Variants in RPAP1 observed in about 807,000 individuals in gnomAD.
The protein encoded by RPAP1 is RNA polymerase II associated protein 1, also known as RNA polymerase II-associated protein 1.
A neutral mutation model predicts 142.4 loss-of-function variants in RPAP1; 109 were observed. That is an observed-to-expected ratio of 0.77 (90% CI 0.66 to 0.90). RPAP1 has a LOEUF of 0.90. RPAP1 is among the 40% of genes least tolerant of loss of function. RPAP1 has a pLI of 0.00. For missense variants in RPAP1, 1,546 were observed against 1,751.7 expected (o/e 0.88, Z 2.10); for synonymous variants, 704 against 738.9 (o/e 0.95, Z 0.77).
At chr15:41,536,468 C>T in intron 3 of RPAP1, 33 bp downstream of exon 3, 1 of 1,610,778 alleles carries the variant, frequency 6.2e-7, no homozygotes, top group Non-Finnish European at 8.5e-7. Flanking sequence ...TGCCCTAGAA[C>T]ATCTTATCCT....
Position 41,529,529 on chromosome 15 carries a change from C to A in RPAP1, c.1099G>T (p.Ala367Ser). ...ARFSLQGELL[A>S]PDVDLPTHLG... Reference sequence around the variant, plus strand: ...TGGGTGGGCAGGTCCACGTCAGGGGCCAGTAGTTCTCCCTGAAGACTGAAT... The same window carrying A: ...TGGGTGGGCAGGTCCACGTCAGGGGACAGTAGTTCTCCCTGAAGACTGAAT... Residue 367 changes from alanine to serine, a missense_variant, in exon 9 of 25, where the codon GCC becomes TCC. Physicochemically the swap from Ala to Ser is moderately conservative, Grantham distance 99 (BLOSUM62 1). Coordinates refer to ENST00000304330, the MANE Select transcript of RPAP1 (RefSeq NM_015540.4). 1.2e-6 allele frequency: 2 copies of A among 1,613,452 alleles called. No homozygotes were observed. Among genetic ancestry groups the A allele is most frequent in the South Asian group, 1.1e-5 (1 of 90,894 alleles).
intron 21 of RPAP1, 137 bp from the exon 22 acceptor site, chr15:41,521,284 T>C (rs2051724120): frequency 1.2e-6 from 1 of 841,356 alleles, no homozygotes; most frequent in African/African-American, 1.7e-5. Context: ...TCCCGCGCAG[T>C]GCTGTGTAGC....
At chr15:41,520,367 G>A (rs1000573540) in intron 22 of RPAP1, 24 bp downstream of exon 22, 7 of 1,612,484 alleles carry the variant, frequency 4.3e-6, no homozygotes, top group Admixed American at 1.7e-5. Context: ...TACCCTTGCA[G>A]GTCCTGCTGG....
At chr15:41,523,015 G>C in intron 18 of RPAP1, 55 bp from the exon 19 acceptor site, 1 of 1,423,214 alleles carries the variant, frequency 7.0e-7, no homozygotes, top group South Asian at 1.5e-5. Flanking sequence ...GTGCCAAGCT[G>C]GAAAGAGCTT....
In RPAP1 at chr15:41,536,192, C is replaced by T. The variant is rs759642285; in HGVS notation, c.357G>A (p.Val119=). Reference sequence around the variant, plus strand: ...CAACACCACTGGGCACAGGCAGATTCACGGCCACTGAACTTGTATCTCGTT... The same window carrying T: ...CAACACCACTGGGCACAGGCAGATTTACGGCCACTGAACTTGTATCTCGTT... The part of the protein sequence containing the change: ...IIERDTSSVA[V]NLPVPSGVAF... Residue 119 remains valine, a synonymous_variant, in exon 4 of 25, where the codon GTG becomes GTA. Transcript: ENST00000304330. 6.8e-6 allele frequency: 11 copies of T among 1,614,036 alleles called. No individual in the cohort carries two copies. The highest frequency in any genetic ancestry group is 1.6e-4 in the Middle Eastern group (1 of 6,084).
intron 1 of RPAP1, among the ~76,000 whole-genome samples, chr15:41,543,397 C>T (rs535759478): frequency 3.2e-4 from 49 of 151,682 alleles, no homozygotes; most frequent in Middle Eastern, 3.4e-3. Context: ...TTTTTTAGTA[C>T]AGACGGGGTT....
intron 6 of RPAP1, among the ~76,000 whole-genome samples, chr15:41,531,497 G>T (rs2051847070): frequency 6.6e-6 from 1 of 151,210 alleles, no homozygotes; most frequent in Non-Finnish European, 1.5e-5. Context: ...CAGTTCCAAT[G>T]TAAGTGGCTG....
At chr15:41,523,562 C>T (rs1249322373) in intron 17 of RPAP1, among the ~76,000 whole-genome samples, 3 of 152,164 alleles carry the variant, frequency 2.0e-5, no homozygotes, top group Non-Finnish European at 2.9e-5. Flanking sequence ...TGAGCTGCTG[C>T]GTGGGCTCTC....
chr15:41,518,778 G>A (rs2051695033), intron 22 of RPAP1, among the ~76,000 whole-genome samples: 1 of 152,128 alleles, frequency 6.6e-6, no homozygotes, highest in Non-Finnish European at 1.5e-5. Flanking sequence ...GGGAGCTAGA[G>A]GTTGCAGTGA....
rs775317637 is a variant in RPAP1 at position 41,531,173 on chromosome 15, G to C, written c.793C>G (p.His265Asp). 6.2e-7 allele frequency: 1 copy of C among 1,612,744 alleles called. No homozygotes were observed. Among genetic ancestry groups the C allele is most frequent in the Non-Finnish European group, 8.5e-7 (1 of 1,179,026 alleles). The change falls in exon 7 of 25, where the codon CAC becomes GAC. Residue 265 changes from histidine to aspartate, a missense_variant. This residue lies in a region of RPAP1 where 1,333 missense variants were observed against 1,486.6 expected (regional missense o/e 0.90). Coordinates refer to ENST00000304330, the MANE Select transcript of RPAP1 (RefSeq NM_015540.4). ...DPSLVAFLRS[H>D]SHTQEQTGET... ...CCTGTTTGCTCTTGCGTGTGGCTGTGAGATCTCAAGAAAGCAACCAAGCTG... is the reference window on the plus strand; with the variant it reads ...CCTGTTTGCTCTTGCGTGTGGCTGTCAGATCTCAAGAAAGCAACCAAGCTG...
chr15:41,528,242 A>G lies in RPAP1; in HGVS notation c.1253T>C (p.Ile418Thr). The G allele has an allele frequency of 6.2e-7, 1 of 1,606,454 alleles. No individual in the cohort carries two copies. The highest frequency in any genetic ancestry group is 1.1e-5 in the South Asian group (1 of 89,440). The change falls in exon 10 of 25, where the codon ATC becomes ACC. Residue 418 changes from isoleucine to threonine, a missense_variant. Physicochemically the swap from Ile to Thr is moderately conservative, Grantham distance 89 (BLOSUM62 -1). This residue lies in a region of RPAP1 where 1,333 missense variants were observed against 1,486.6 expected (regional missense o/e 0.90). Coordinates refer to ENST00000304330, the MANE Select transcript of RPAP1 (RefSeq NM_015540.4). Reference protein sequence around the residue: ...ALALHVLAQVISRAQAGEFGD... With the variant: ...ALALHVLAQVTSRAQAGEFGD... Reference sequence around the variant, plus strand: ...GGCTGGCAATCCACTCACCCTGCTGATGACCTGGGCTAACACATGCAGTGC... The same window carrying G: ...GGCTGGCAATCCACTCACCCTGCTGGTGACCTGGGCTAACACATGCAGTGC...
chr15:41,522,107 G>GGCCAGAGCGAGT lies in RPAP1; in HGVS notation c.2874_2885dup (p.Leu959_Ala962dup). 1 of 1,613,476 alleles carries GGCCAGAGCGAGT rather than the reference G, an allele frequency of 6.2e-7. No individual in the cohort carries two copies. Among genetic ancestry groups the GGCCAGAGCGAGT allele is most frequent in the Non-Finnish European group, 8.5e-7 (1 of 1,179,892 alleles). ...AGACAGGGGGACCTACCGCTTTCTG[G>GGCCAGAGCGAGT]GCCAGAGCGAGTGCCAGGTACTGCA... On this transcript the variant is annotated inframe_insertion, in exon 20 of 25. Coordinates refer to ENST00000304330, the MANE Select transcript of RPAP1 (RefSeq NM_015540.4).
At chr15:41,536,387 G>T in intron 3 of RPAP1, 114 bp downstream of exon 3, 1 of 1,444,242 alleles carries the variant, frequency 6.9e-7, no homozygotes. Context: ...GACCTCAGGG[G>T]TAAAAGTCTA....
chr15:41,529,929 C>T lies in RPAP1; in HGVS notation c.994G>A (p.Val332Ile), dbSNP rs200219473. The T allele has an allele frequency of 1.9e-5, 31 of 1,614,082 alleles. No homozygotes were observed. Among genetic ancestry groups the T allele is most frequent in the Admixed American group, 1.0e-4 (6 of 60,008 alleles). ...GTCCAGTGGAGCTTCTCCAGCTCGA[C>T]AGTGTCCATGTGCAGCCATTCTTTC... ...PQKEWLHMDT[V>I]ELEKLHWTQD... The change falls in exon 8 of 25, where the codon GTC (valine) becomes ATC (isoleucine). Residue 332 changes from valine to isoleucine, a missense_variant. Val to Ile is a conservative substitution (Grantham distance 29). Transcript: ENST00000304330.
chr15:41,536,857 T>C, intron 2 of RPAP1, 88 bp downstream of exon 2: 1 of 1,478,440 alleles, frequency 6.8e-7, no homozygotes, highest in South Asian at 1.3e-5. Context: ...ATAATAATGA[T>C]GTGTCTGAAT....
intron 22 of RPAP1, among the ~76,000 whole-genome samples, chr15:41,519,138 C>T (rs1179496689): frequency 6.6e-6 from 1 of 152,214 alleles, no homozygotes; most frequent in African/African-American, 2.4e-5. Context: ...GCAATCCTCC[C>T]ACCTTGGCCT....
Position 41,529,549 on chromosome 15 carries a change from C to T in RPAP1, c.1079G>A (p.Ser360Asn), listed in dbSNP as rs1314418850. 6.2e-7 allele frequency: 1 copy of T among 1,612,952 alleles called. No individual in the cohort carries two copies. The highest frequency in any genetic ancestry group is 8.5e-7 in the Non-Finnish European group (1 of 1,179,358). The change falls in exon 9 of 25, where the codon AGT (serine) becomes AAT (asparagine). Residue 360 changes from serine (S) to asparagine (N), a missense_variant. This residue lies in a region of RPAP1 where 1,333 missense variants were observed against 1,486.6 expected (regional missense o/e 0.90). Coordinates refer to ENST00000304330, the MANE Select transcript of RPAP1 (RefSeq NM_015540.4). ...QTQERMQARF[S>N]LQGELLAPDV... is the part of the protein sequence containing the mutation. Reference sequence around the variant, plus strand: ...AGGGGCCAGTAGTTCTCCCTGAAGACTGAATCGAGCCTGCATCCTCTAATG... The same window carrying T: ...AGGGGCCAGTAGTTCTCCCTGAAGATTGAATCGAGCCTGCATCCTCTAATG...
At position 41,518,109 on chromosome 15, in the gene RPAP1, G is replaced by T; in HGVS notation, c.3869C>A (p.Thr1290Asn). Residue 1290 changes from threonine to asparagine, a missense_variant, in exon 23 of 25, where the codon ACC becomes AAC. Coordinates refer to ENST00000304330, the MANE Select transcript of RPAP1 (RefSeq NM_015540.4). ...TGGGCGGAGCGCACCAGTAACCAGG[G>T]TCCGGAAGTAGAGCTGAAGGAGGGC... ...NLALLQLYFR[T>N]LVTGALRPRW... The T allele has an allele frequency of 6.2e-7, 1 of 1,605,620 alleles. No homozygotes were observed. The highest frequency in any genetic ancestry group is 8.5e-7 in the Non-Finnish European group (1 of 1,177,726).
At chr15:41,532,924 AG>A (rs2051868081) in intron 6 of RPAP1, among the ~76,000 whole-genome samples, 1 of 135,110 alleles carries the variant, frequency 7.4e-6, no homozygotes, top group Non-Finnish European at 1.5e-5. Flanking sequence ...GGTTGCAGTG[AG>A]CTGAGATCGT....
Sources: gnomAD v4.1 joint callset for allele counts (sites outside exome capture counted in the v4.1 genomes callset) on GRCh38, gnomAD v4.1.1 for gene constraint, gnomAD v4.1.1 regional missense constraint, MANE v1.5 for transcripts, NCBI Gene and HGNC (gene_info 2026-07-23, HGNC 2026-07-21) for gene names.